The following IMMP2L variants were observed in gnomAD, a reference collection of about 807,000 sequenced individuals.
IMMP2L encodes inner mitochondrial membrane peptidase subunit 2.
Under a neutral mutation model 19.3 loss-of-function variants are expected in IMMP2L, and 18 were observed. That is an observed-to-expected ratio of 0.93 (90% CI 0.64 to 1.38). IMMP2L has a LOEUF of 1.38. Among genes scored for constraint, IMMP2L ranks in the 40% most tolerant of loss-of-function variants. IMMP2L has a pLI of 0.00. For synonymous variants in IMMP2L, 76 were observed against 73.0 expected, an observed-to-expected ratio of 1.04 and a Z score of -0.21; for missense variants, 233 against 218.2, an observed-to-expected ratio of 1.07 and a Z score of -0.43.
At chr7:110,986,705 A>G (rs565018853) in intron 3 of IMMP2L, among the ~76,000 whole-genome samples, 1 of 152,252 alleles carries the variant, frequency 6.6e-6, no homozygotes, top group African/African-American at 2.4e-5. Flanking sequence ...ATTGTTGGTC[A>G]AATCTCATAG....
At chr7:111,314,255 A>T (rs1823815180) in intron 3 of IMMP2L, among the ~76,000 whole-genome samples, 1 of 152,156 alleles carries the variant, frequency 6.6e-6, no homozygotes, top group Non-Finnish European at 1.5e-5. Flanking sequence ...AAGAAAAAAT[A>T]ATATTTCAGA....
intron 3 of IMMP2L, among the ~76,000 whole-genome samples, chr7:111,060,323 T>C (rs891266782): frequency 9.2e-5 from 14 of 152,226 alleles, no homozygotes; most frequent in African/African-American, 3.4e-4. Flanking sequence ...TTAGCTTTTA[T>C]ACAAGAAACC....
chr7:111,496,165 G>A (rs560959217), intron 2 of IMMP2L, among the ~76,000 whole-genome samples: 86 of 152,150 alleles, frequency 5.7e-4, no homozygotes, highest in African/African-American at 2.0e-3. Flanking sequence ...GAAAGAATGC[G>A]GACAATATGG....
intron 1 of IMMP2L, among the ~76,000 whole-genome samples, chr7:111,539,045 G>C (rs1585586116): frequency 6.9e-6 from 1 of 145,966 alleles, no homozygotes; most frequent in East Asian, 2.0e-4. Context: ...GCTTGAACCT[G>C]AGAGACGGAG....
chr7:111,378,282 A>G (rs1679629170), intron 3 of IMMP2L, among the ~76,000 whole-genome samples: 1 of 152,050 alleles, frequency 6.6e-6, no homozygotes, highest in South Asian at 2.1e-4. Context: ...GTTTTCTGAT[A>G]TGTGGATTGT....
Position 111,064,965 on chromosome 7 carries a change from C to T in IMMP2L, c.240-101400G>A, listed in dbSNP as rs1794360479. 2.0e-5 allele frequency among the ~76,000 whole-genome samples: 3 copies of T among 152,230 alleles called. No individual in the cohort carries two copies. The South Asian group carries it at 6.2e-4, about 32-fold the overall frequency. ...CAGGCCGGACTACAAATGGCCCAGA[C>T]CCTTCAGAAATGAAGGTTTAGGTCA... On this transcript the variant is annotated intron_variant, in intron 3 of 5. Coordinates refer to ENST00000405709, the MANE Select transcript of IMMP2L (RefSeq NM_032549.4).
At chr7:111,425,714 T>G (rs1183163598) in intron 3 of IMMP2L, among the ~76,000 whole-genome samples, 1 of 151,158 alleles carries the variant, frequency 6.6e-6, no homozygotes, top group Admixed American at 6.6e-5. Context: ...ATCCTTTTAA[T>G]TTTCAAATTC....
At chr7:111,070,604 C>T (rs935713822) in intron 3 of IMMP2L, among the ~76,000 whole-genome samples, 1 of 152,132 alleles carries the variant, frequency 6.6e-6, no homozygotes, top group African/African-American at 2.4e-5. Context: ...AATTGAGCCT[C>T]ATCCAAGAAA....
At chr7:110,888,800 T>C (rs1206444956) in intron 4 of IMMP2L, among the ~76,000 whole-genome samples, 1 of 152,218 alleles carries the variant, frequency 6.6e-6, no homozygotes, top group Non-Finnish European at 1.5e-5. Context: ...TATGGGTTTG[T>C]TTGTTTATTT....
intron 3 of IMMP2L, among the ~76,000 whole-genome samples, chr7:111,382,293 A>T (rs1468083738): frequency 6.6e-6 from 1 of 151,364 alleles, no homozygotes; most frequent in Non-Finnish European, 1.5e-5. Flanking sequence ...ATTCAATAGA[A>T]TCAAATACAA....
intron 4 of IMMP2L, among the ~76,000 whole-genome samples, chr7:110,895,845 G>T (rs1279635787): frequency 2.0e-5 from 3 of 152,130 alleles, no homozygotes; most frequent in Non-Finnish European, 4.4e-5. Context: ...TAGGAAGGCA[G>T]TTGATTTTTC....
chr7:111,286,369 G>A (rs961277302), intron 3 of IMMP2L, among the ~76,000 whole-genome samples: 11 of 152,012 alleles, frequency 7.2e-5, no homozygotes, highest in African/African-American at 2.2e-4. Context: ...ATTCCACCAC[G>A]ATCAACGCAA....
At chr7:110,816,698 T>G in intron 5 of IMMP2L, among the ~76,000 whole-genome samples, 1 of 150,704 alleles carries the variant, frequency 6.6e-6, no homozygotes, top group Non-Finnish European at 1.5e-5. Context: ...TCTTGTTGAA[T>G]TGATCCCTTT....
At chr7:111,470,043 C>A (rs1395499973) in intron 3 of IMMP2L, among the ~76,000 whole-genome samples, 3 of 152,130 alleles carry the variant, frequency 2.0e-5, no homozygotes, top group African/African-American at 7.2e-5. Context: ...AAATAAACAA[C>A]CCCATCAAAA....
chr7:111,503,818 T>A (rs1844580303), intron 2 of IMMP2L, among the ~76,000 whole-genome samples: 1 of 152,090 alleles, frequency 6.6e-6, no homozygotes, highest in South Asian at 2.1e-4. Flanking sequence ...ATGGGACGTA[T>A]CTCAAAATAA....
rs144715198 is a variant in IMMP2L, at chr7:110,810,061, G to A, written c.408+76532C>T. On this transcript the variant is annotated intron_variant, in intron 5 of 5. Transcript: ENST00000405709. ...TCCTAAATGCCTGCCATCTGGAGCC[G>A]GTGTCCTCACTATTCTGCCTTGCCG... Among the ~76,000 whole-genome samples the A allele has an allele frequency of 9.2e-5, 14 of 152,060 alleles. No homozygotes were observed. In the East Asian group the frequency reaches 1.8e-3, roughly 19 times the overall value.
chr7:110,994,089 GC>G (rs1220155602), intron 3 of IMMP2L, among the ~76,000 whole-genome samples: 1 of 151,244 alleles, frequency 6.6e-6, no homozygotes, highest in Non-Finnish European at 1.5e-5. Context: ...TTGGGAAATA[GC>G]TTTGATCATT....
intron 5 of IMMP2L, among the ~76,000 whole-genome samples, chr7:110,881,261 T>A (rs1456250010): frequency 6.6e-6 from 1 of 152,202 alleles, no homozygotes. Flanking sequence ...CTCCTTTAAG[T>A]GGCTTTGATC....
chr7:111,477,305 C>A (rs1841804328), intron 3 of IMMP2L, among the ~76,000 whole-genome samples: 1 of 152,082 alleles, frequency 6.6e-6, no homozygotes, highest in Non-Finnish European at 1.5e-5. Flanking sequence ...CAGAAGGGAC[C>A]CCACATTTGG....
Sources: allele counts gnomAD v4.1 joint callset (sites outside exome capture counted in the v4.1 genomes callset), GRCh38; gene constraint gnomAD v4.1.1; transcripts MANE v1.5; gene names NCBI Gene and HGNC (gene_info 2026-07-23, HGNC 2026-07-21).